The following KIAA1217 variants were observed in gnomAD, a reference collection of about 807,000 sequenced individuals.
The protein encoded by KIAA1217 is sickle tail protein homolog.
Under a neutral mutation model 163.9 loss-of-function variants are expected in KIAA1217, and 88 were observed. That is an observed-to-expected ratio of 0.54 (90% CI 0.45 to 0.64). The LOEUF (loss-of-function observed/expected upper bound fraction) is 0.64. KIAA1217 is among the 30% of genes least tolerant of loss of function. KIAA1217 has a pLI of 0.00. For synonymous variants in KIAA1217, 903 were observed against 923.1 expected, an observed-to-expected ratio of 0.98 and a Z score of 0.39; for missense variants, 2,372 against 2,475.0, an observed-to-expected ratio of 0.96 and a Z score of 0.88.
At chr10:24,395,252 G>T (rs1383130569) in intron 3 of KIAA1217, among the ~76,000 whole-genome samples, 1 of 152,096 alleles carries the variant, frequency 6.6e-6, no homozygotes, top group Non-Finnish European at 1.5e-5. Flanking sequence ...CTTGATCTCT[G>T]AATCACCTCA....
intron 2 of KIAA1217, among the ~76,000 whole-genome samples, chr10:24,342,652 ATTTTTTTTTTTT>A (rs11299912): frequency 5.3e-5 from 5 of 93,510 alleles, no homozygotes; most frequent in African/African-American, 8.8e-5. Flanking sequence ...ATACAACTCA[ATTTTTTTTTTTT>A]TTTTTTTTTT....
At chr10:24,494,270 C>T (rs570066479) in intron 6 of KIAA1217, among the ~76,000 whole-genome samples, 6 of 152,218 alleles carry the variant, frequency 3.9e-5, no homozygotes, top group Admixed American at 6.5e-5. Context: ...TGAGTTGGTC[C>T]GTGCTGTGTC....
At chr10:24,074,216 G>A (rs1031201437) in intron 2 of KIAA1217, among the ~76,000 whole-genome samples, 2 of 152,066 alleles carry the variant, frequency 1.3e-5, no homozygotes, top group South Asian at 4.2e-4. Flanking sequence ...AGGTGTTGTG[G>A]CACATGCCTG....
intron 17 of KIAA1217, among the ~76,000 whole-genome samples, chr10:24,539,954 A>G (rs1386155642): frequency 6.6e-6 from 1 of 152,112 alleles, no homozygotes; most frequent in Non-Finnish European, 1.5e-5. Context: ...TCATAATCCA[A>G]ATCCCAGGGC....
chr10:24,279,288 T>G (rs2077651625), intron 2 of KIAA1217, among the ~76,000 whole-genome samples: 1 of 151,712 alleles, frequency 6.6e-6, no homozygotes, highest in African/African-American at 2.4e-5. Flanking sequence ...GTTTTTTTTT[T>G]TAAAAAAAGA....
At chr10:23,968,988 A>T (rs1229244641) in intron 1 of KIAA1217, among the ~76,000 whole-genome samples, 4 of 152,168 alleles carry the variant, frequency 2.6e-5, no homozygotes, top group Non-Finnish European at 5.9e-5. Context: ...TTGAGTACAT[A>T]CCTACAAGTG....
chr10:23,789,758 G>A (rs1835653115), intron 1 of KIAA1217, among the ~76,000 whole-genome samples: 1 of 151,800 alleles, frequency 6.6e-6, no homozygotes, highest in Non-Finnish European at 1.5e-5. Context: ...TTATAAGTAT[G>A]GAAGTTCTTA....
chr10:24,073,473 G>T (rs1564667614), intron 2 of KIAA1217, among the ~76,000 whole-genome samples: 1 of 152,176 alleles, frequency 6.6e-6, no homozygotes, highest in African/African-American at 2.4e-5. Context: ...AGGGTTCTTG[G>T]CTGCATATGT....
intron 3 of KIAA1217, among the ~76,000 whole-genome samples, chr10:24,423,831 C>G (rs2058961188): frequency 6.6e-6 from 1 of 152,258 alleles, no homozygotes; most frequent in East Asian, 1.9e-4. Context: ...CCACAGCACC[C>G]GGCCAAGGGC....
At chr10:24,400,669 G>A (rs2056418794) in intron 3 of KIAA1217, among the ~76,000 whole-genome samples, 1 of 152,022 alleles carries the variant, frequency 6.6e-6, no homozygotes, top group Admixed American at 6.6e-5. Context: ...AAAGTAATCA[G>A]GATCATTGAA....
At chr10:24,093,134 C>A (rs923671344) in intron 2 of KIAA1217, among the ~76,000 whole-genome samples, 1 of 151,584 alleles carries the variant, frequency 6.6e-6, no homozygotes, top group African/African-American at 2.4e-5. Flanking sequence ...TCTGGGACTA[C>A]AGGCACGTGT....
chr10:23,892,951 T>C (rs1589026323), intron 1 of KIAA1217, among the ~76,000 whole-genome samples: 1 of 151,928 alleles, frequency 6.6e-6, no homozygotes, highest in African/African-American at 2.4e-5. Flanking sequence ...CAGAAGATTC[T>C]CTTTTTTGGT....
chr10:23,920,954 G>C (rs1046744893), intron 1 of KIAA1217, among the ~76,000 whole-genome samples: 1 of 152,120 alleles, frequency 6.6e-6, no homozygotes, highest in African/African-American at 2.4e-5. Flanking sequence ...ACACTCTCTT[G>C]CCTGCCACCA....
In KIAA1217 at chr10:23,884,156, G is replaced by A. The variant is rs139735763; in HGVS notation, c.-320-123069G>A. Among the ~76,000 whole-genome samples the A allele has an allele frequency of 3.9e-5, 6 of 151,926 alleles. No individual in the cohort carries two copies. In the East Asian group the frequency reaches 7.8e-4, roughly 20 times the overall value. ...TGTAATTGCTGGATTGTATAGCAAG[G>A]GTGTGTTTAGTGCTGTAAGAAACTA... On this transcript the variant is annotated intron_variant, in intron 1 of 18. Coordinates refer to the KIAA1217 transcript ENST00000376462.
At chr10:23,782,004 ACCCC>A (rs1835279836) in intron 1 of KIAA1217, among the ~76,000 whole-genome samples, 2 of 151,930 alleles carry the variant, frequency 1.3e-5, no homozygotes, top group Non-Finnish European at 2.9e-5. Flanking sequence ...GAAGTGCAAT[ACCCC>A]AAACTTTGTT....
intron 1 of KIAA1217, among the ~76,000 whole-genome samples, chr10:23,869,471 C>T (rs1274537431): frequency 6.6e-6 from 1 of 152,032 alleles, no homozygotes; most frequent in Non-Finnish European, 1.5e-5. Context: ...CTGAGCATCT[C>T]TTTTATTGAC....
At chr10:24,382,367 G>T (rs2053428301) in intron 3 of KIAA1217, among the ~76,000 whole-genome samples, 1 of 152,012 alleles carries the variant, frequency 6.6e-6, no homozygotes, top group South Asian at 2.1e-4. Flanking sequence ...CCTGATTTTA[G>T]TTCCTTTGCT....
chr10:23,857,180 A>G (rs939556533), intron 1 of KIAA1217, among the ~76,000 whole-genome samples: 1 of 152,270 alleles, frequency 6.6e-6, no homozygotes, highest in East Asian at 1.9e-4. Flanking sequence ...ACAATTTTAT[A>G]TGAAATTTGG....
At chr10:24,105,556 A>G (rs543869732) in intron 2 of KIAA1217, among the ~76,000 whole-genome samples, 22 of 152,328 alleles carry the variant, frequency 1.4e-4, no homozygotes, top group African/African-American at 4.8e-4. Context: ...GTTCTCATCT[A>G]GAACTGAGAT....
Sources: allele counts gnomAD v4.1 joint callset (sites outside exome capture counted in the v4.1 genomes callset), GRCh38; gene constraint gnomAD v4.1.1; transcripts MANE v1.5; gene names NCBI Gene and HGNC (gene_info 2026-07-23, HGNC 2026-07-21).